Variants in DGKD observed in about 807,000 individuals in gnomAD.
The protein encoded by DGKD is DAG kinase delta.
Under a neutral mutation model 154.4 loss-of-function variants are expected in DGKD, and 68 were observed. The observed-to-expected ratio is 0.44, with a 90% CI of 0.36 to 0.54. The LOEUF (loss-of-function observed/expected upper bound fraction) is 0.54, where lower values mean the gene tolerates loss of function less well. Among genes scored for constraint, DGKD ranks in the 20% least tolerant of loss-of-function variants. DGKD has a pLI of 0.00. For missense variants in DGKD, 1,343 were observed against 1,593.6 expected (o/e 0.84, Z 2.68); for synonymous variants, 693 against 638.0 (o/e 1.09, Z -1.30).
At position 233,455,204 on chromosome 2, in the gene DGKD, C is replaced by T. The variant is rs373452154; in HGVS notation, c.2375+331C>T. On this transcript the variant is annotated intron_variant, in intron 19 of 29. Transcript: ENST00000264057. ...TGCCAAGAAGCTATTGCACCTATTG[C>T]GTAAGTGCCCAGCATTGTTTGTGGG... Among the ~76,000 whole-genome samples, 8 of 152,282 alleles carry T rather than the reference C, an allele frequency of 5.3e-5. No homozygotes were observed. The East Asian group carries it at 5.8e-4, about 11-fold the overall frequency.
chr2:233,390,690 A>G (rs567375942), intron 3 of DGKD, among the ~76,000 whole-genome samples: 1 of 152,222 alleles, frequency 6.6e-6, no homozygotes, highest in South Asian at 2.1e-4. Context: ...CAAAAGGACA[A>G]TAGGGACCAA....
At chr2:233,430,352 G>A (rs1240147174) in intron 3 of DGKD, among the ~76,000 whole-genome samples, 1 of 152,188 alleles carries the variant, frequency 6.6e-6, no homozygotes, top group Non-Finnish European at 1.5e-5. Context: ...ATAGGGCGCT[G>A]GCTGAGTCCT....
intron 3 of DGKD, among the ~76,000 whole-genome samples, chr2:233,432,559 T>C (rs1426530475): frequency 6.6e-6 from 1 of 152,136 alleles, no homozygotes; most frequent in Non-Finnish European, 1.5e-5. Flanking sequence ...CTCGGGAGGC[T>C]GAGGCAGGAG....
At chr2:233,437,277 G>A (rs2062729103) in intron 7 of DGKD, 100 bp from the exon 8 acceptor site, 2 of 1,090,616 alleles carry the variant, frequency 1.8e-6, no homozygotes, top group African/African-American at 1.5e-5. Context: ...GAAATCACCT[G>A]CCTCCCCCGA....
At chr2:233,467,013 C>T in intron 27 of DGKD, 73 bp from the exon 28 acceptor site, 2 of 1,258,958 alleles carry the variant, frequency 1.6e-6, no homozygotes, top group Non-Finnish European at 2.3e-6. Context: ...CTCCCAGCCT[C>T]TCTGGTGGAG....
intron 1 of DGKD, among the ~76,000 whole-genome samples, chr2:233,376,641 A>G (rs1702588225): frequency 2.6e-5 from 4 of 152,140 alleles, no homozygotes; most frequent in South Asian, 4.1e-4. Context: ...TTGTAGGGAC[A>G]TGGATGAAGC....
intron 8 of DGKD, 56 bp downstream of exon 8, chr2:233,437,535 C>T (rs934969693): frequency 1.3e-5 from 20 of 1,512,324 alleles, no homozygotes; most frequent in South Asian, 2.3e-5. Flanking sequence ...TCCTTCTCCA[C>T]GCACTTTCTC....
rs2063305011 is a variant in DGKD, at chr2:233,451,832, T to G, written c.2168-132T>G. On this transcript the variant is annotated intron_variant, in intron 17 of 29. Coordinates refer to ENST00000264057, the MANE Select transcript of DGKD (RefSeq NM_152879.3). ...TATTGGCAAAATTTGGACATGGTTA[T>G]ACATAATTTTAGAAACATTTAATTA... is the stretch of plus-strand genomic sequence containing the variant. The G allele has an allele frequency of 3.7e-5, 28 of 755,822 alleles. No homozygotes were observed. In the South Asian group the frequency reaches 5.2e-4, roughly 14 times the overall value. 46.8% of individuals were successfully genotyped at this position (755,822 alleles called of 1,614,324 possible).
chr2:233,399,192 G>A (rs538201910), intron 3 of DGKD, among the ~76,000 whole-genome samples: 1 of 152,198 alleles, frequency 6.6e-6, no homozygotes, highest in East Asian at 1.9e-4. Flanking sequence ...ATTCCATTTG[G>A]TCTTATTTAT....
At chr2:233,432,382 G>A (rs112495144) in intron 3 of DGKD, among the ~76,000 whole-genome samples, 269 of 105,764 alleles carry the variant, frequency 2.5e-3, no homozygotes, top group Middle Eastern at 0.012. Context: ...AAAATTAGCC[G>A]GGCGTGGTTG....
intron 3 of DGKD, among the ~76,000 whole-genome samples, chr2:233,417,112 A>T (rs1220161927): frequency 6.6e-6 from 1 of 152,096 alleles, no homozygotes; most frequent in African/African-American, 2.4e-5. Flanking sequence ...AGCTCATTGC[A>T]ACCTCTGCCT....
At chr2:233,426,237 C>T (rs1018540385) in intron 3 of DGKD, among the ~76,000 whole-genome samples, 1 of 152,164 alleles carries the variant, frequency 6.6e-6, no homozygotes, top group Non-Finnish European at 1.5e-5. Flanking sequence ...CTCCCTGTCT[C>T]TTGTACAGTT....
rs537522172 is a variant in DGKD at position 233,469,434 on chromosome 2, C to T, written c.3619C>T (p.Arg1207Cys). 1.1e-5 allele frequency: 18 copies of T among 1,603,468 alleles called. No individual in the cohort carries two copies. Among genetic ancestry groups the T allele is most frequent in the East Asian group, 2.3e-5 (1 of 44,378 alleles). The change falls in exon 30 of 30, where the codon CGC becomes TGC. Residue 1207 changes from arginine (R) to cysteine (C), a missense_variant. By Grantham distance (180) the Arg-to-Cys change is radical. Coordinates refer to ENST00000264057, the MANE Select transcript of DGKD (RefSeq NM_152879.3). ...RILCGIKELS[R>C]SAPAVEA The stretch of plus-strand genomic sequence containing the variant: ...CCTGTGTGGCATCAAGGAGCTGAGC[C>T]GCAGCGCCCCCGCCGTCGAGGCCTA...
chr2:233,371,975 C>T (rs979423981), intron 1 of DGKD, among the ~76,000 whole-genome samples: 1 of 152,298 alleles, frequency 6.6e-6, no homozygotes, highest in East Asian at 1.9e-4. Context: ...AAGGAAGTAT[C>T]TGCATTTCAG....
chr2:233,357,391 CAAAAG>C (rs1356698238), intron 1 of DGKD, among the ~76,000 whole-genome samples: 1 of 152,122 alleles, frequency 6.6e-6, no homozygotes, highest in African/African-American at 2.4e-5. Flanking sequence ...AAGAGAAAAA[CAAAAG>C]AGAATGTCTT....
chr2:233,360,926 G>C (rs1426492266), intron 1 of DGKD, among the ~76,000 whole-genome samples: 1 of 151,906 alleles, frequency 6.6e-6, no homozygotes, highest in East Asian at 1.9e-4. Flanking sequence ...TAGAGGGAGT[G>C]CGGCCTTCTG....
chr2:233,440,674 A>G lies in DGKD; in HGVS notation c.1086-1213A>G, dbSNP rs909505638. ...GGGGCCAGGCCAGGCAGCAGCAGAA[A>G]GGTGGCACCTGCCGTCAGGGAGGGC... On this transcript the variant is annotated intron_variant, in intron 9 of 29. Coordinates refer to ENST00000264057, the MANE Select transcript of DGKD (RefSeq NM_152879.3). The surrounding 1 kb of genome is among the most constrained non-coding windows in gnomAD (Gnocchi z 4.9). Among the ~76,000 whole-genome samples, 1 of 152,156 alleles carries G rather than the reference A, an allele frequency of 6.6e-6. No individual in the cohort carries two copies. The highest frequency in any genetic ancestry group is 6.5e-5 in the Admixed American group (1 of 15,284).
At chr2:233,412,216 C>T (rs73995926) in intron 3 of DGKD, among the ~76,000 whole-genome samples, 1,932 of 152,264 alleles carry the variant, frequency 0.013, 31 homozygotes, top group African/African-American at 0.044. Context: ...ATCTTAATAA[C>T]ATTGAATCTT....
At chr2:233,460,990 G>C (rs2063615641) in intron 24 of DGKD, among the ~76,000 whole-genome samples, 1 of 151,134 alleles carries the variant, frequency 6.6e-6, no homozygotes, top group African/African-American at 2.4e-5. Context: ...CCTGAGAACA[G>C]GCTTGCTCTT....
Sources: allele counts gnomAD v4.1 joint callset (sites outside exome capture counted in the v4.1 genomes callset), GRCh38; gene constraint gnomAD v4.1.1; non-coding constraint Gnocchi (gnomAD v3.1); transcripts MANE v1.5; gene names NCBI Gene and HGNC (gene_info 2026-07-23, HGNC 2026-07-21).